The following EMID1 variants were observed in gnomAD, a reference collection of about 807,000 sequenced individuals.
EMID1 encodes EMI domain-containing protein 1.
Under a neutral mutation model 60.6 loss-of-function variants are expected in EMID1, and 40 were observed. The observed-to-expected ratio is 0.66, with a 90% CI of 0.51 to 0.86. The LOEUF (loss-of-function observed/expected upper bound fraction) is 0.86. EMID1 is among the 40% of genes least tolerant of loss of function. The pLI is 0.00. For missense variants in EMID1, 585 were observed against 597.1 expected (o/e 0.98, Z 0.21); for synonymous variants, 242 against 231.0 (o/e 1.05, Z -0.43).
Position 29,232,816 on chromosome 22 carries a change from C to T in EMID1, c.823+414C>T, listed in dbSNP as rs1022016028. Reference sequence around the variant, plus strand: ...GCCCGGCCCCTCCTCCAGGCCCTGACGTGCGTCCTTGGCTTCTTCCCTTTG... The same window carrying T: ...GCCCGGCCCCTCCTCCAGGCCCTGATGTGCGTCCTTGGCTTCTTCCCTTTG... On this transcript the variant is annotated intron_variant, in intron 8 of 14. Coordinates refer to ENST00000334018, the MANE Select transcript of EMID1 (RefSeq NM_133455.4). 12 of 185,490 alleles carry T rather than the reference C, an allele frequency of 6.5e-5. No homozygotes were observed. In the South Asian group the frequency reaches 6.8e-4, roughly 11 times the overall value. 11.5% of individuals were successfully genotyped at this position (185,490 alleles called of 1,614,324 possible).
intron 14 of EMID1, among the ~76,000 whole-genome samples, chr22:29,256,658 T>C (rs1453424935): frequency 1.3e-5 from 2 of 152,004 alleles, no homozygotes; most frequent in Non-Finnish European, 2.9e-5. Context: ...CAGGGAATCG[T>C]ATCTACGGAG....
chr22:29,224,505 C>G (rs899921275), intron 3 of EMID1, among the ~76,000 whole-genome samples: 2 of 152,176 alleles, frequency 1.3e-5, no homozygotes, highest in African/African-American at 4.8e-5. Context: ...AGGGGTTGGC[C>G]CTGGAACTGG....
In EMID1 at chr22:29,206,021, G is replaced by A; in HGVS notation, c.-18G>A. On this transcript the variant is annotated 5_prime_UTR_variant, in exon 1 of 15. Coordinates refer to ENST00000334018, the MANE Select transcript of EMID1 (RefSeq NM_133455.4). ...CGGCGACCGCGAGGGGCCGCGCGCG[G>A]AGGGCGCCTGGTGCAGCATGGGCGG... The A allele has an allele frequency of 8.2e-7, 1 of 1,215,020 alleles. No homozygotes were observed. Among genetic ancestry groups the A allele is most frequent in the Non-Finnish European group, 1.0e-6 (1 of 976,998 alleles). The allele number at this position is 1,215,020 out of a possible 1,614,324, so 75.3% of individuals were successfully genotyped here.
chr22:29,251,700 C>T (rs1040893909), intron 13 of EMID1, among the ~76,000 whole-genome samples: 16 of 151,812 alleles, frequency 1.1e-4, no homozygotes, highest in Non-Finnish European at 4.4e-5. Flanking sequence ...AGTCTCCCTC[C>T]GTCACCCAGG....
intron 13 of EMID1, chr22:29,253,957 G>A (rs1375183204): frequency 1.0e-6 from 1 of 985,340 alleles, no homozygotes; most frequent in African/African-American, 1.7e-5. Flanking sequence ...CCTTGTCAGA[G>A]AGCAGCCAGC....
At chr22:29,234,589 ACT>A (rs1568991681) in intron 12 of EMID1, among the ~76,000 whole-genome samples, 2 of 150,210 alleles carry the variant, frequency 1.3e-5, no homozygotes. Flanking sequence ...TGTCTCTTTG[ACT>A]CTGTATTTCA....
At chr22:29,257,150 C>T (rs1267551197) in intron 14 of EMID1, among the ~76,000 whole-genome samples, 3 of 152,302 alleles carry the variant, frequency 2.0e-5, no homozygotes, top group East Asian at 3.9e-4. Context: ...AGAAGTCCCA[C>T]ACCCACTGCC....
Position 29,223,707 on chromosome 22 carries a change from A to G in EMID1, c.320-1426A>G, listed in dbSNP as rs563268497. Among the ~76,000 whole-genome samples the G allele has an allele frequency of 6.6e-5, 10 of 152,302 alleles. No individual in the cohort carries two copies. The East Asian group carries it at 1.7e-3, about 26-fold the overall frequency. ...AAGTGGAGCTGAGCTTCATTCTCTC[A>G]TCCACCTTTATCTGAGCATGGGTGA... is the stretch of plus-strand genomic sequence containing the variant. On this transcript the variant is annotated intron_variant, in intron 3 of 14. Coordinates refer to ENST00000334018, the MANE Select transcript of EMID1 (RefSeq NM_133455.4).
chr22:29,207,890 G>T (rs956394801), intron 1 of EMID1, among the ~76,000 whole-genome samples: 3 of 152,202 alleles, frequency 2.0e-5, no homozygotes, highest in Non-Finnish European at 2.9e-5. Flanking sequence ...CACCAGGAAA[G>T]GTTTGCAGTC....
intron 13 of EMID1, among the ~76,000 whole-genome samples, chr22:29,247,869 G>A (rs1219372503): frequency 1.3e-5 from 2 of 151,824 alleles, no homozygotes; most frequent in African/African-American, 4.8e-5. Context: ...GACCTCAAGT[G>A]ATCCGCCCAC....
At position 29,226,488 on chromosome 22, in the gene EMID1, A is replaced by G; in HGVS notation, c.404-2A>G. On this transcript the variant is annotated splice_acceptor_variant, in intron 4 of 14. Transcript: ENST00000334018. LOFTEE classifies it high-confidence loss of function. ...TGGCCCCAGCTTCCTCCCTCCCCGCAGGTTGTCTCAACTGCAGCAAAGTGT... is the reference window on the plus strand; with the variant it reads ...TGGCCCCAGCTTCCTCCCTCCCCGCGGGTTGTCTCAACTGCAGCAAAGTGT... 2.5e-6 allele frequency: 4 copies of G among 1,611,558 alleles called. No homozygotes were observed. The highest frequency in any genetic ancestry group is 3.4e-6 in the Non-Finnish European group (4 of 1,178,828).
chr22:29,259,221 T>C lies in EMID1; in HGVS notation c.*277T>C. ...GATAGAGGTACAAGGCTTCGTCTCATCTGCTGTCTGAGCATCCAGGCCCAA... is the reference window on the plus strand; with the variant it reads ...GATAGAGGTACAAGGCTTCGTCTCACCTGCTGTCTGAGCATCCAGGCCCAA... On this transcript the variant is annotated 3_prime_UTR_variant, in exon 15 of 15. Transcript: ENST00000334018. 1 of 457,850 alleles carries C rather than the reference T, an allele frequency of 2.2e-6. No homozygotes were observed. The highest frequency in any genetic ancestry group is 3.8e-6 in the Non-Finnish European group (1 of 261,316). 28.4% of individuals were successfully genotyped at this position (457,850 alleles called of 1,614,324 possible).
intron 12 of EMID1, among the ~76,000 whole-genome samples, chr22:29,239,193 C>A (rs531433301): frequency 6.9e-6 from 1 of 144,978 alleles, no homozygotes; most frequent in South Asian, 2.2e-4. Context: ...GTCCAGTCCA[C>A]GAATAAGCCC....
intron 3 of EMID1, among the ~76,000 whole-genome samples, chr22:29,221,461 G>A (rs2040296537): frequency 1.3e-5 from 2 of 152,118 alleles, no homozygotes; most frequent in Admixed American, 6.5e-5. Context: ...TGCAAGCTCC[G>A]TCTCCTGGGT....
At chr22:29,232,158 C>T (rs1297229624) in intron 7 of EMID1, 98 bp from the exon 8 acceptor site, 2 of 1,470,908 alleles carry the variant, frequency 1.4e-6, no homozygotes, top group Non-Finnish European at 1.9e-6. Context: ...GGCCCTCTCT[C>T]ATGCCCACTG....
At chr22:29,232,481 G>A (rs545100700) in intron 8 of EMID1, 79 bp downstream of exon 8, 11 of 1,419,852 alleles carry the variant, frequency 7.7e-6, no homozygotes, top group East Asian at 7.5e-5. Context: ...CATCTGCCAC[G>A]TGCCTTCTGT....
intron 13 of EMID1, among the ~76,000 whole-genome samples, chr22:29,251,453 T>C (rs1028967123): frequency 6.6e-6 from 1 of 151,322 alleles, no homozygotes; most frequent in Non-Finnish European, 1.5e-5. Context: ...CCTCCCACCT[T>C]GGCCACTTAA....
At chr22:29,220,067 A>G (rs189923791) in intron 3 of EMID1, among the ~76,000 whole-genome samples, 1 of 152,124 alleles carries the variant, frequency 6.6e-6, no homozygotes, top group African/African-American at 2.4e-5. Flanking sequence ...ACGCCCAGCC[A>G]ACATGGCTGC....
intron 13 of EMID1, among the ~76,000 whole-genome samples, chr22:29,250,733 A>ATTTTTTTTTTTTTTTTTTT: frequency 4.4e-5 from 1 of 22,476 alleles, no homozygotes; most frequent in Non-Finnish European, 9.0e-5. Context: ...CACCCGGCTA[A>ATTTTTTTTTTTTTTTTTTT]TTTTTTTTTT....
Sources: gnomAD v4.1 joint callset for allele counts (sites outside exome capture counted in the v4.1 genomes callset) on GRCh38, gnomAD v4.1.1 for gene constraint, MANE v1.5 for transcripts, NCBI Gene and HGNC (gene_info 2026-07-23, HGNC 2026-07-21) for gene names.